Variants in GULP1 observed in about 807,000 individuals in gnomAD.
GULP1 encodes the protein GULP PTB domain containing engulfment adaptor 1, also known as PTB domain-containing engulfment adapter protein 1.
GULP1 carries 19 observed loss-of-function variants against 40.9 expected under a neutral mutation model. That is an observed-to-expected ratio of 0.46 (90% CI 0.32 to 0.68). The LOEUF (loss-of-function observed/expected upper bound fraction) is 0.68. Among genes scored for constraint, GULP1 ranks in the 30% least tolerant of loss-of-function variants. The probability of loss-of-function intolerance (pLI) is 0.03; values close to 1 mark genes in which losing one functional copy is unlikely to be tolerated. For missense variants in GULP1, 312 were observed against 362.2 expected (o/e 0.86, Z 1.12); for synonymous variants, 119 against 117.6 (o/e 1.01, Z -0.08).
chr2:188,410,241 A>G lies in GULP1; in HGVS notation c.-45+26352A>G, dbSNP rs190481470. Among the ~76,000 whole-genome samples, 7 of 152,314 alleles carry G rather than the reference A, an allele frequency of 4.6e-5. No individual in the cohort carries two copies. In the East Asian group the frequency reaches 1.4e-3, roughly 29 times the overall value. On this transcript the variant is annotated intron_variant, in intron 2 of 11. Transcript: ENST00000409830. ...ACTCAAACATAAGACCTCAGACTAT[A>G]AAACTACTAGAAGAAAACAAAGGGG...
At chr2:188,477,638 A>G in intron 2 of GULP1, 21 bp from the exon 3 acceptor site, 1 of 1,274,564 alleles carries the variant, frequency 7.8e-7, no homozygotes, top group Non-Finnish European at 1.1e-6. Flanking sequence ...TTTATGTTTT[A>G]ATATTTTGTC....
Position 188,512,128 on chromosome 2 carries a change from C to T in GULP1, c.91-10628C>T, listed in dbSNP as rs1195137180. On this transcript the variant is annotated intron_variant, in intron 4 of 11. Coordinates refer to ENST00000409830, the MANE Select transcript of GULP1 (RefSeq NM_016315.4). Reference sequence around the variant, plus strand: ...AGCTTACTCCTATATAGCTTATCTACTAGGTACAGTTGAGTAGCTAACAGG... The same window carrying T: ...AGCTTACTCCTATATAGCTTATCTATTAGGTACAGTTGAGTAGCTAACAGG... 2.6e-5 allele frequency among the ~76,000 whole-genome samples: 4 copies of T among 152,090 alleles called. No homozygotes were observed. The East Asian group carries it at 7.7e-4, about 29-fold the overall frequency.
At chr2:188,534,719 TC>T (rs1214367175) in intron 6 of GULP1, among the ~76,000 whole-genome samples, 1 of 152,090 alleles carries the variant, frequency 6.6e-6, no homozygotes, top group Non-Finnish European at 1.5e-5. Flanking sequence ...AGTAGATGAT[TC>T]CCACCTACTA....
intron 2 of GULP1, among the ~76,000 whole-genome samples, chr2:188,447,472 T>G (rs894180699): frequency 6.6e-6 from 1 of 152,184 alleles, no homozygotes; most frequent in Non-Finnish European, 1.5e-5. Flanking sequence ...CAGAAGGCAT[T>G]GCTTCATGAT....
rs546748101 is a variant in GULP1 at position 188,314,462 on chromosome 2, A to G, written c.-172+22296A>G. ...CATGATTTAGTTTCTTGCATACTCA[A>G]CAACCTCTCTCCTCCCACTTGCCCA... On this transcript the variant is annotated intron_variant, in intron 1 of 11. Transcript: ENST00000409830. Among the ~76,000 whole-genome samples the G allele has an allele frequency of 7.2e-5, 11 of 152,226 alleles. No individual in the cohort carries two copies. The East Asian group carries it at 2.1e-3, about 29-fold the overall frequency.
intron 1 of GULP1, among the ~76,000 whole-genome samples, chr2:188,368,415 T>C (rs1051099746): frequency 6.6e-6 from 1 of 151,930 alleles, no homozygotes; most frequent in African/African-American, 2.4e-5. Flanking sequence ...ACCTCATCTC[T>C]ACTAAAAATG....
intron 1 of GULP1, among the ~76,000 whole-genome samples, chr2:188,383,007 G>C (rs535788922): frequency 6.6e-6 from 1 of 152,110 alleles, no homozygotes; most frequent in South Asian, 2.1e-4. Context: ...AAGTTATGAC[G>C]GGAAGCAGGG....
In GULP1 at chr2:188,292,670, C is replaced by T. The variant is rs2034028379; in HGVS notation, c.-172+504C>T. The T allele has an allele frequency of 6.5e-6, 1 of 152,698 alleles. No homozygotes were observed. Among genetic ancestry groups the T allele is most frequent in the African/African-American group, 2.4e-5 (1 of 41,438 alleles). The allele number at this position is 152,698 out of a possible 1,614,324, so 9.5% of individuals were successfully genotyped here. On this transcript the variant is annotated intron_variant, in intron 1 of 11. Coordinates refer to ENST00000409830, the MANE Select transcript of GULP1 (RefSeq NM_016315.4). This position sits in a 1 kb window ranked among gnomAD's most constrained non-coding sequence, Gnocchi z 4.0. ...AGGAGCGAACTTCCAGGGCAGCCTC[C>T]CTTTTGTTGGCGCTGGGAGAGAATG...
chr2:188,467,264 G>T (rs78232655), intron 2 of GULP1, among the ~76,000 whole-genome samples: 280 of 152,230 alleles, frequency 1.8e-3, no homozygotes, highest in Non-Finnish European at 3.6e-3. Flanking sequence ...TGCTATTGAG[G>T]CAACCTTCTC....
intron 1 of GULP1, among the ~76,000 whole-genome samples, chr2:188,349,902 G>T (rs6705443): frequency 0.054 from 8,149 of 151,982 alleles, 734 homozygotes; most frequent in African/African-American, 0.18. Flanking sequence ...TGACATAGGG[G>T]GTCCAACTTC....
intron 1 of GULP1, among the ~76,000 whole-genome samples, chr2:188,301,129 T>C (rs2036063986): frequency 6.6e-6 from 1 of 152,116 alleles, no homozygotes; most frequent in Non-Finnish European, 1.5e-5. Context: ...ATCCTCCCAC[T>C]TCAGCCTCCC....
intron 2 of GULP1, among the ~76,000 whole-genome samples, chr2:188,422,885 G>T (rs1238716076): frequency 6.6e-6 from 1 of 151,942 alleles, no homozygotes. Context: ...CTAATTAGAG[G>T]CACCCTCCTT....
At chr2:188,407,199 A>G (rs2053239044) in intron 2 of GULP1, among the ~76,000 whole-genome samples, 1 of 152,228 alleles carries the variant, frequency 6.6e-6, no homozygotes, top group African/African-American at 2.4e-5. Flanking sequence ...TTTTCAGGAC[A>G]AACAAAAGCT....
chr2:188,470,322 A>C (rs191438987), intron 2 of GULP1, among the ~76,000 whole-genome samples: 52 of 152,036 alleles, frequency 3.4e-4, no homozygotes, highest in Non-Finnish European at 1.2e-4. Flanking sequence ...TTTATTCTAG[A>C]TTTTTCTAAT....
chr2:188,346,220 G>T (rs2043621757), intron 1 of GULP1, among the ~76,000 whole-genome samples: 1 of 152,146 alleles, frequency 6.6e-6, no homozygotes, highest in South Asian at 2.1e-4. Flanking sequence ...CCAGGGTAGG[G>T]TTAAATCCAT....
Position 188,497,149 on chromosome 2 carries a change from C to T in GULP1, c.90+13657C>T, listed in dbSNP as rs137946865. 9.6e-4 allele frequency among the ~76,000 whole-genome samples: 146 copies of T among 152,100 alleles called. No homozygotes were observed. In the East Asian group the frequency reaches 0.011, roughly 11 times the overall value. ...AAAAGTAATTAAGATGAAGAAAAAA[C>T]GTATAGCAGAATTCTGATACAAAAT... On this transcript the variant is annotated intron_variant, in intron 4 of 11. Transcript: ENST00000409830.
At chr2:188,535,113 A>G (rs1688591013) in intron 6 of GULP1, among the ~76,000 whole-genome samples, 1 of 151,482 alleles carries the variant, frequency 6.6e-6, no homozygotes, top group Non-Finnish European at 1.5e-5. Flanking sequence ...TTAAATTAAT[A>G]GTAAATTACT....
chr2:188,429,132 T>G (rs370400744), intron 2 of GULP1, among the ~76,000 whole-genome samples: 68 of 152,170 alleles, frequency 4.5e-4, no homozygotes, highest in African/African-American at 1.6e-3. Flanking sequence ...TTATTTTGAC[T>G]GTCATCCGCT....
intron 6 of GULP1, among the ~76,000 whole-genome samples, chr2:188,537,168 G>A (rs1489965447): frequency 6.6e-6 from 1 of 151,784 alleles, no homozygotes; most frequent in Non-Finnish European, 1.5e-5. Flanking sequence ...TTATTTTGAA[G>A]CCTTCTCTTT....
Sources: gnomAD v4.1 joint callset for allele counts (sites outside exome capture counted in the v4.1 genomes callset) on GRCh38, gnomAD v4.1.1 for gene constraint, Gnocchi (gnomAD v3.1) non-coding constraint, MANE v1.5 for transcripts, NCBI Gene and HGNC (gene_info 2026-07-23, HGNC 2026-07-21) for gene names.